The following ITPK1 variants were observed in gnomAD, a reference collection of about 807,000 sequenced individuals.
ITPK1 encodes inositol 1,3,4-trisphosphate 5/6-kinase.
A neutral mutation model predicts 45.3 loss-of-function variants in ITPK1; 21 were observed. The ratio of observed to expected loss-of-function variants is 0.46; its 90% confidence interval spans 0.33 to 0.67. The LOEUF (loss-of-function observed/expected upper bound fraction) is 0.67, where lower values mean the gene tolerates loss of function less well. Ranked by LOEUF, ITPK1 falls within the 30% of genes least tolerant of loss-of-function variation. The pLI is 0.02. For missense variants in ITPK1, 474 were observed against 573.5 expected (o/e 0.83, Z 1.77); for synonymous variants, 258 against 253.6 (o/e 1.02, Z -0.16).
At chr14:93,109,868 A>C (rs1892674000) in intron 2 of ITPK1, among the ~76,000 whole-genome samples, 1 of 152,126 alleles carries the variant, frequency 6.6e-6, no homozygotes, top group South Asian at 2.1e-4. Flanking sequence ...CAAAACCAAG[A>C]ACACTAAATC....
intron 4 of ITPK1, among the ~76,000 whole-genome samples, chr14:93,015,357 C>T (rs1398274806): frequency 6.6e-6 from 1 of 152,202 alleles, no homozygotes; most frequent in Non-Finnish European, 1.5e-5. Flanking sequence ...TCAGCCCAGC[C>T]CTGGCACAGG....
chr14:93,009,046 G>T (rs1454461530), intron 4 of ITPK1, among the ~76,000 whole-genome samples: 1 of 152,080 alleles, frequency 6.6e-6, no homozygotes, highest in Non-Finnish European at 1.5e-5. Context: ...CTCCACCAGG[G>T]AACATCTGGA....
At chr14:93,059,454 A>G (rs1024871369) in intron 3 of ITPK1, among the ~76,000 whole-genome samples, 11 of 9,966 alleles carry the variant, frequency 1.1e-3, no homozygotes, top group African/African-American at 1.9e-3. Context: ...GGACGGAGGG[A>G]GTGCAGGTCA....
chr14:93,000,974 T>TAAA (rs201265189), intron 4 of ITPK1, among the ~76,000 whole-genome samples: 33 of 81,944 alleles, frequency 4.0e-4, no homozygotes, highest in African/African-American at 1.3e-3. Flanking sequence ...AGACTCCAAC[T>TAAA]AAAAAAAAAA....
intron 5 of ITPK1, among the ~76,000 whole-genome samples, chr14:92,974,752 C>T (rs1036011651): frequency 6.6e-6 from 1 of 152,216 alleles, no homozygotes. Flanking sequence ...GCACTCAAGG[C>T]CAATGGCAAA....
Position 92,940,470 on chromosome 14 carries a change from C to CCTG in ITPK1, c.*1088_*1090dup. 9.0e-7 allele frequency: 1 copy of CCTG among 1,116,324 alleles called. No individual in the cohort carries two copies. The highest frequency in any genetic ancestry group is 2.0e-5 in the South Asian group (1 of 49,430). 69.2% of individuals were successfully genotyped at this position (1,116,324 alleles called of 1,614,324 possible). ...ATGGGGGGCGGGTGGCTCCCTGGCACCTGCTGGCTCAGTGCTTGGGGCTTG... is the reference window on the plus strand; with the variant it reads ...ATGGGGGGCGGGTGGCTCCCTGGCACCTGCTGCTGGCTCAGTGCTTGGGGCTTG... On this transcript the variant is annotated 3_prime_UTR_variant, in exon 11 of 11. Coordinates refer to ENST00000267615, the MANE Select transcript of ITPK1 (RefSeq NM_014216.6).
At chr14:93,017,959 A>G (rs886562644) in intron 3 of ITPK1, among the ~76,000 whole-genome samples, 2 of 152,210 alleles carry the variant, frequency 1.3e-5, no homozygotes, top group African/African-American at 4.8e-5. Context: ...AGGGTCTCAC[A>G]GCAGGAAGGC....
At position 93,014,875 on chromosome 14, in the gene ITPK1, G is replaced by A. The variant is rs998147729; in HGVS notation, c.246+1801C>T. On this transcript the variant is annotated intron_variant, in intron 4 of 10. Coordinates refer to ENST00000267615, the MANE Select transcript of ITPK1 (RefSeq NM_014216.6). This position sits in a 1 kb window ranked among gnomAD's most constrained non-coding sequence, Gnocchi z 4.4. Reference sequence around the variant, plus strand: ...GCTCTGCAGTGCTTTCTGAGGTAACGGTAATCAGGCATCTGGAAGGCCATC... The same window carrying A: ...GCTCTGCAGTGCTTTCTGAGGTAACAGTAATCAGGCATCTGGAAGGCCATC... Among the ~76,000 whole-genome samples the A allele has an allele frequency of 6.6e-6, 1 of 152,228 alleles. No individual in the cohort carries two copies. The highest frequency in any genetic ancestry group is 1.9e-4 in the East Asian group (1 of 5,204).
intron 3 of ITPK1, chr14:93,069,077 C>CCTGCCATCTGTCTCCTG (rs1890880071): frequency 6.5e-6 from 1 of 152,832 alleles, no homozygotes; most frequent in Non-Finnish European, 1.5e-5. Context: ...GGTACCACAC[C>CCTGCCATCTGTCTCCTG]CTGCCATCTG....
chr14:93,018,789 C>T (rs1018780022), intron 3 of ITPK1, among the ~76,000 whole-genome samples: 1 of 152,178 alleles, frequency 6.6e-6, no homozygotes, highest in Non-Finnish European at 1.5e-5. Flanking sequence ...GCTGCAAAGA[C>T]CAGGACACCA....
Position 92,946,167 on chromosome 14 carries a change from C to T in ITPK1, c.901+164G>A, listed in dbSNP as rs191670451. ...TCCCTCCTCGCACACCCCGTAAGCCCATCGCGCAGGTGAGGCTGAGGCTTC... is the reference window on the plus strand; with the variant it reads ...TCCCTCCTCGCACACCCCGTAAGCCTATCGCGCAGGTGAGGCTGAGGCTTC... On this transcript the variant is annotated intron_variant, in intron 10 of 10. Transcript: ENST00000267615. Among the ~76,000 whole-genome samples the T allele has an allele frequency of 1.5e-3, 225 of 152,304 alleles. 1 individual carries two copies. Among genetic ancestry groups the T allele is most frequent in the Non-Finnish European group, 2.3e-3 (154 of 68,024 alleles).
At chr14:92,966,445 G>T (rs1595094136) in intron 5 of ITPK1, among the ~76,000 whole-genome samples, 1 of 152,146 alleles carries the variant, frequency 6.6e-6, no homozygotes, top group African/African-American at 2.4e-5. Flanking sequence ...AGAAATTAAA[G>T]AAGACTTCAA....
intron 8 of ITPK1, among the ~76,000 whole-genome samples, chr14:92,957,925 C>G (rs1205217347): frequency 6.6e-6 from 1 of 152,234 alleles, no homozygotes; most frequent in Non-Finnish European, 1.5e-5. Context: ...CCCCCAGAAG[C>G]ATGCTGGGGA....
intron 5 of ITPK1, among the ~76,000 whole-genome samples, chr14:92,967,562 T>C (rs369040725): frequency 3.3e-5 from 5 of 152,298 alleles, no homozygotes; most frequent in South Asian, 4.1e-4. Flanking sequence ...CCACTTCTTA[T>C]ACCCAAGAGA....
At chr14:93,065,709 GA>G (rs1254554871) in intron 3 of ITPK1, among the ~76,000 whole-genome samples, 1 of 152,158 alleles carries the variant, frequency 6.6e-6, no homozygotes, top group Non-Finnish European at 1.5e-5. Context: ...CCTGAGATGT[GA>G]CTTAGGTCCC....
Position 93,034,753 on chromosome 14 carries a change from G to A in ITPK1, c.121-17952C>T, listed in dbSNP as rs1327490970. On this transcript the variant is annotated intron_variant, in intron 3 of 10. Transcript: ENST00000267615. The surrounding 1 kb of genome is among the most constrained non-coding windows in gnomAD (Gnocchi z 4.1). ...GGAGGGTGAAGAAGCCAGTTTAGCA[G>A]CGGAGAAGGCTGGCATGGCCCCAGC... is the stretch of plus-strand genomic sequence containing the variant. Among the ~76,000 whole-genome samples, 2 of 152,260 alleles carry A rather than the reference G, an allele frequency of 1.3e-5. No homozygotes were observed. Among genetic ancestry groups the A allele is most frequent in the African/African-American group, 4.8e-5 (2 of 41,470 alleles).
At chr14:92,984,990 C>A (rs1047255744) in intron 5 of ITPK1, among the ~76,000 whole-genome samples, 1 of 152,064 alleles carries the variant, frequency 6.6e-6, no homozygotes, top group Non-Finnish European at 1.5e-5. Flanking sequence ...GGACTTTAAC[C>A]AAATAACTGC....
At chr14:93,043,891 A>G (rs73332194) in intron 3 of ITPK1, among the ~76,000 whole-genome samples, 10,963 of 152,116 alleles carry the variant, frequency 0.072, 1,352 homozygotes, top group African/African-American at 0.25. Flanking sequence ...TCTGGCTTCA[A>G]CTCTGTTCCT....
rs1887183196 is a variant in ITPK1 at position 92,937,641 on chromosome 14, C to T, written c.*3920G>A. 6.6e-6 allele frequency: 1 copy of T among 152,440 alleles called. No individual in the cohort carries two copies. The highest frequency in any genetic ancestry group is 1.5e-5 in the Non-Finnish European group (1 of 68,208). The allele number at this position is 152,440 out of a possible 1,614,324, so 9.4% of individuals were successfully genotyped here. On this transcript the variant is annotated 3_prime_UTR_variant, in exon 11 of 11. Coordinates refer to ENST00000267615, the MANE Select transcript of ITPK1 (RefSeq NM_014216.6). ...ACAATGGCTGTGCAGAGAGAAGGTA[C>T]ACAGCACAGACCCTTTCTCACAAGG...
Sources: allele counts gnomAD v4.1 joint callset (sites outside exome capture counted in the v4.1 genomes callset), GRCh38; gene constraint gnomAD v4.1.1; non-coding constraint Gnocchi (gnomAD v3.1); transcripts MANE v1.5; gene names NCBI Gene and HGNC (gene_info 2026-07-23, HGNC 2026-07-21).